The following ASCC3 variants were observed in gnomAD, a reference collection of about 807,000 sequenced individuals.
The protein encoded by ASCC3 is activating signal cointegrator 1 complex subunit 3, also known as ASC-1 complex subunit P200.
In ASCC3, 158 loss-of-function variants were observed where a neutral mutation model predicts 256.3. The ratio of observed to expected loss-of-function variants is 0.62; its 90% CI spans 0.54 to 0.70. The LOEUF (loss-of-function observed/expected upper bound fraction) is 0.70, where lower values mean the gene tolerates loss of function less well. Ranked by LOEUF, ASCC3 falls within the 30% of genes least tolerant of loss-of-function variation. The probability of loss-of-function intolerance (pLI) is 0.00; values close to 1 mark genes in which losing one functional copy is unlikely to be tolerated. For missense variants in ASCC3, 2,259 were observed against 2,626.0 expected (o/e 0.86, Z 3.05); for synonymous variants, 948 against 883.4 (o/e 1.07, Z -1.30).
At chr6:100,765,089 A>G (rs1435396147) in intron 10 of ASCC3, among the ~76,000 whole-genome samples, 1 of 152,170 alleles carries the variant, frequency 6.6e-6, no homozygotes, top group Non-Finnish European at 1.5e-5. Context: ...TCCAGCAGCC[A>G]CCAGAAACTA....
chr6:100,684,483 A>T (rs1329816723), intron 13 of ASCC3, among the ~76,000 whole-genome samples: 10 of 152,212 alleles, frequency 6.6e-5, no homozygotes, highest in Non-Finnish European at 1.5e-4. Flanking sequence ...AAAGATGCTA[A>T]TGTTATTGTC....
intron 16 of ASCC3, 55 bp downstream of exon 16, chr6:100,661,751 T>A: frequency 1.3e-6 from 2 of 1,544,266 alleles, no homozygotes; most frequent in Non-Finnish European, 1.8e-6. Flanking sequence ...TCATCTTTCT[T>A]GGTCATTCTT....
chr6:100,870,215 G>C (rs1217951990), intron 1 of ASCC3, among the ~76,000 whole-genome samples: 1 of 71,082 alleles, frequency 1.4e-5, no homozygotes. Flanking sequence ...TTTTAAAAAT[G>C]CATTTTTAAT....
chr6:100,706,499 A>G (rs546431259), intron 13 of ASCC3, among the ~76,000 whole-genome samples: 2 of 151,920 alleles, frequency 1.3e-5, no homozygotes, highest in South Asian at 2.1e-4. Context: ...ATGAGTCTCA[A>G]TAATCAATGA....
chr6:100,743,511 C>A (rs775035211), intron 10 of ASCC3, among the ~76,000 whole-genome samples: 2 of 152,088 alleles, frequency 1.3e-5, no homozygotes, highest in Non-Finnish European at 1.5e-5. Flanking sequence ...AACAGGCCAC[C>A]TTTTACTCCC....
chr6:100,604,315 C>T (rs1772776663), intron 33 of ASCC3, among the ~76,000 whole-genome samples: 1 of 151,852 alleles, frequency 6.6e-6, no homozygotes, highest in Non-Finnish European at 1.5e-5. Flanking sequence ...AAAGAACCAA[C>T]TTTTGGTGTT....
At chr6:100,774,393 T>G (rs868137808) in intron 8 of ASCC3, among the ~76,000 whole-genome samples, 10 of 151,930 alleles carry the variant, frequency 6.6e-5, no homozygotes, top group African/African-American at 2.2e-4. Context: ...GGAGATGCAC[T>G]CTCACTCTGT....
chr6:100,821,810 C>T (rs749207844), intron 4 of ASCC3, among the ~76,000 whole-genome samples: 2 of 151,146 alleles, frequency 1.3e-5, no homozygotes, highest in African/African-American at 2.4e-5. Context: ...GATGACAGAG[C>T]GAGACTCCGA....
chr6:100,609,225 T>C (rs1422769391), intron 30 of ASCC3, among the ~76,000 whole-genome samples: 1 of 151,948 alleles, frequency 6.6e-6, no homozygotes, highest in Admixed American at 6.6e-5. Flanking sequence ...ACTTCTGTTA[T>C]AGTTTTATTT....
At chr6:100,781,679 C>T (rs978278644) in intron 8 of ASCC3, among the ~76,000 whole-genome samples, 11 of 151,852 alleles carry the variant, frequency 7.2e-5, no homozygotes, top group Admixed American at 2.6e-4. Context: ...TGAGCCACCG[C>T]GCCCGGCCAG....
intron 13 of ASCC3, among the ~76,000 whole-genome samples, chr6:100,684,802 C>CTT (rs34237443): frequency 0.011 from 1,015 of 94,646 alleles, 2 homozygotes; most frequent in Non-Finnish European, 0.013. Context: ...GAATCAAACT[C>CTT]TTTTTTTTTT....
At chr6:100,735,758 T>A (rs1271314736) in intron 10 of ASCC3, among the ~76,000 whole-genome samples, 1 of 152,122 alleles carries the variant, frequency 6.6e-6, no homozygotes, top group Non-Finnish European at 1.5e-5. Flanking sequence ...AAAAAAGACA[T>A]AGTATTATGC....
chr6:100,567,592 A>ACAGT (rs1175591693), intron 36 of ASCC3, among the ~76,000 whole-genome samples: 1 of 152,102 alleles, frequency 6.6e-6, no homozygotes, highest in African/African-American at 2.4e-5. Context: ...TCCAGTGTCT[A>ACAGT]CAGTCATCTT....
chr6:100,717,968 A>G, intron 12 of ASCC3, 107 bp downstream of exon 12: 1 of 1,026,642 alleles, frequency 9.7e-7, no homozygotes, highest in Non-Finnish European at 1.4e-6. Flanking sequence ...ATTTCAGTGG[A>G]CACCACAAAA....
chr6:100,689,729 G>A (rs1777750570), intron 13 of ASCC3, among the ~76,000 whole-genome samples: 1 of 152,082 alleles, frequency 6.6e-6, no homozygotes, highest in Admixed American at 6.5e-5. Flanking sequence ...GAGGTAACAA[G>A]CAAACTTCCA....
intron 8 of ASCC3, among the ~76,000 whole-genome samples, chr6:100,787,183 T>C (rs1769122072): frequency 1.3e-5 from 2 of 152,120 alleles, no homozygotes; most frequent in Admixed American, 6.6e-5. Context: ...TTTTATGTTA[T>C]ATATGACTCC....
chr6:100,696,652 C>T (rs1778096885), intron 13 of ASCC3, among the ~76,000 whole-genome samples: 2 of 151,854 alleles, frequency 1.3e-5, no homozygotes, highest in African/African-American at 4.8e-5. Context: ...TTTTCTACAA[C>T]TTTATAAAGA....
At chr6:100,702,879 G>C (rs941683461) in intron 13 of ASCC3, among the ~76,000 whole-genome samples, 7 of 152,034 alleles carry the variant, frequency 4.6e-5, no homozygotes, top group Non-Finnish European at 8.8e-5. Flanking sequence ...AATTTTCCTT[G>C]ATATTTAGTT....
At chr6:100,675,247 T>C (rs17060862) in intron 14 of ASCC3, among the ~76,000 whole-genome samples, 2 of 151,498 alleles carry the variant, frequency 1.3e-5, no homozygotes, top group African/African-American at 4.9e-5. Flanking sequence ...AAGAGGAAAA[T>C]AGGTTAAGAT....
Sources: allele counts gnomAD v4.1 joint callset (sites outside exome capture counted in the v4.1 genomes callset), GRCh38; gene constraint gnomAD v4.1.1; transcripts MANE v1.5; gene names NCBI Gene and HGNC (gene_info 2026-07-23, HGNC 2026-07-21).